The following RUBCN variants were observed in gnomAD, a reference collection of about 807,000 sequenced individuals.
RUBCN encodes rubicon autophagy regulator.
Under a neutral mutation model 113.2 loss-of-function variants are expected in RUBCN, and 74 were observed. That is an observed-to-expected ratio of 0.65 (90% confidence interval 0.54 to 0.79). The LOEUF (loss-of-function observed/expected upper bound fraction) is 0.79. Ranked by LOEUF, RUBCN falls within the 30% of genes least tolerant of loss-of-function variation. RUBCN has a pLI of 0.00. For synonymous variants in RUBCN, 480 were observed against 490.0 expected, an observed-to-expected ratio of 0.98 and a Z score of 0.27; for missense variants, 1,109 against 1,251.7, an observed-to-expected ratio of 0.89 and a Z score of 1.72.
intron 2 of RUBCN, among the ~76,000 whole-genome samples, chr3:197,717,438 C>A (rs1461796659): frequency 6.9e-6 from 1 of 144,286 alleles, no homozygotes; most frequent in South Asian, 2.1e-4. Context: ...AGCGAGACTC[C>A]GTCTCAAAAA....
At position 197,675,519 on chromosome 3, in the gene RUBCN, G is replaced by A. The variant is rs368369578; in HGVS notation, c.2647-4C>T. The A allele has an allele frequency of 5.0e-6, 8 of 1,612,344 alleles. No homozygotes were observed. In the African/African-American group the frequency reaches 9.3e-5, roughly 19 times the overall value. On this transcript the variant is annotated splice_region_variant and splice_polypyrimidine_tract_variant and intron_variant, in intron 18 of 19. Coordinates refer to ENST00000296343, the MANE Select transcript of RUBCN (RefSeq NM_014687.4). The surrounding 1 kb of genome is among the most constrained non-coding windows in gnomAD (Gnocchi z 4.4). ...TGAAGCCTTTGGCTTGGCAGAGCTG[G>A]GGAGGAAAAACACAGATGGCAAAAT...
chr3:197,729,243 T>C (rs1002286501), intron 1 of RUBCN, among the ~76,000 whole-genome samples: 9 of 151,822 alleles, frequency 5.9e-5, no homozygotes, highest in Admixed American at 2.0e-4. Context: ...GCTTTTGTTT[T>C]TTTTGTTTTG....
intron 13 of RUBCN, among the ~76,000 whole-genome samples, chr3:197,682,900 C>T (rs1184227578): frequency 6.6e-6 from 1 of 152,188 alleles, no homozygotes; most frequent in African/African-American, 2.4e-5. Context: ...AAGAAGCAAA[C>T]AGAAACAGCC....
At chr3:197,695,467 G>T (rs1722900875) in intron 9 of RUBCN, among the ~76,000 whole-genome samples, 1 of 152,102 alleles carries the variant, frequency 6.6e-6, no homozygotes, top group African/African-American at 2.4e-5. Flanking sequence ...CAGGTGTGGT[G>T]GTGCATGTTT....
chr3:197,720,990 TA>T (rs1174598767), intron 1 of RUBCN, among the ~76,000 whole-genome samples: 1 of 152,164 alleles, frequency 6.6e-6, no homozygotes. Context: ...GATTTTTTTT[TA>T]ATGTGCAGCG....
intron 1 of RUBCN, among the ~76,000 whole-genome samples, chr3:197,730,885 C>CTTTTTTTT (rs71166707): frequency 8.0e-4 from 40 of 49,998 alleles, no homozygotes; most frequent in African/African-American, 1.9e-3. Context: ...TTAAAAGCAT[C>CTTTTTTTT]TTTTTTTTTT....
intron 11 of RUBCN, among the ~76,000 whole-genome samples, chr3:197,692,321 TC>T (rs1722513680): frequency 6.6e-6 from 1 of 152,010 alleles, no homozygotes; most frequent in East Asian, 1.9e-4. Context: ...CGTGATCTCT[TC>T]CTTAGTCCCT....
rs542961639 is a variant in RUBCN, at chr3:197,702,708, G to C, written c.570+840C>G. 2.0e-5 allele frequency among the ~76,000 whole-genome samples: 3 copies of C among 152,194 alleles called. No individual in the cohort carries two copies. The East Asian group carries it at 5.8e-4, about 29-fold the overall frequency. On this transcript the variant is annotated intron_variant, in intron 5 of 19. Coordinates refer to ENST00000296343, the MANE Select transcript of RUBCN (RefSeq NM_014687.4). ...GATAATAATTAATTAAAAGAATCTGGAGAGATAGGGGATCTGCTTCTCTAA... is the reference window on the plus strand; with the variant it reads ...GATAATAATTAATTAAAAGAATCTGCAGAGATAGGGGATCTGCTTCTCTAA...
Position 197,673,216 on chromosome 3 carries a change from C to T in RUBCN, c.*1802G>A, listed in dbSNP as rs1719962959. 6.6e-6 allele frequency: 1 copy of T among 152,224 alleles called. No homozygotes were observed. The highest frequency in any genetic ancestry group is 2.4e-5 in the African/African-American group (1 of 41,438). 9.4% of individuals were successfully genotyped at this position (152,224 alleles called of 1,614,324 possible). A position where few individuals can be genotyped will look rare whatever the true frequency, so the allele number is the denominator to read the frequency against. On this transcript the variant is annotated 3_prime_UTR_variant, in exon 20 of 20. Transcript: ENST00000296343. ...GAGAACAGCCTCAGGGTCTTCTAGC[C>T]CTACATGGCTTTCAGATCCCAACTT...
At position 197,736,849 on chromosome 3, in the gene RUBCN, C is replaced by G; in HGVS notation, c.-130G>C. The G allele has an allele frequency of 2.2e-6, 3 of 1,386,066 alleles. No individual in the cohort carries two copies. Among genetic ancestry groups the G allele is most frequent in the East Asian group, 2.9e-5 (1 of 33,952 alleles). 85.9% of individuals were successfully genotyped at this position (1,386,066 alleles called of 1,614,324 possible). A position where few individuals can be genotyped will look rare whatever the true frequency, so the allele number is the denominator to read the frequency against. On this transcript the variant is annotated 5_prime_UTR_variant, in exon 1 of 20. Transcript: ENST00000296343. ...TGGGCTCCGGGTGATGCGCTACACC[C>G]GGGCGGCGACAGCGGGAGGGACCGC...
At chr3:197,744,164 A>G (rs749902936) in intron 1 of RUBCN, among the ~76,000 whole-genome samples, 1 of 152,068 alleles carries the variant, frequency 6.6e-6, no homozygotes, top group Non-Finnish European at 1.5e-5. Flanking sequence ...GAGTTAACAT[A>G]AGAAACAGAC....
Position 197,674,889 on chromosome 3 carries a change from A to T in RUBCN, c.*129T>A. ...ACGTCAGACAAGTCAGTAAAAAAAA[A>T]AAAAAAGATGATGATAATTAAAAAA... On this transcript the variant is annotated 3_prime_UTR_variant, in exon 20 of 20. Coordinates refer to ENST00000296343, the MANE Select transcript of RUBCN (RefSeq NM_014687.4). 1.3e-6 allele frequency: 1 copy of T among 777,994 alleles called. No homozygotes were observed. The highest frequency in any genetic ancestry group is 2.1e-5 in the South Asian group (1 of 46,676). The allele number at this position is 777,994 out of a possible 1,614,324, so 48.2% of individuals were successfully genotyped here.
At chr3:197,722,938 G>C (rs1224950871) in intron 1 of RUBCN, among the ~76,000 whole-genome samples, 1 of 152,034 alleles carries the variant, frequency 6.6e-6, no homozygotes, top group Non-Finnish European at 1.5e-5. Flanking sequence ...CTTTTATTTG[G>C]AGAATTTAAC....
intron 2 of RUBCN, among the ~76,000 whole-genome samples, chr3:197,709,288 T>G (rs1280419106): frequency 1.3e-5 from 2 of 152,146 alleles, no homozygotes; most frequent in African/African-American, 2.4e-5. Context: ...AATGTTTGCA[T>G]GTTGAGGGAA....
chr3:197,684,069 T>C, intron 12 of RUBCN, 88 bp downstream of exon 12: 1 of 1,051,846 alleles, frequency 9.5e-7, no homozygotes, highest in Non-Finnish European at 1.5e-6. Context: ...CTGGATGGCT[T>C]TGCCCAGCCA....
upstream of RUBCN, among the ~76,000 whole-genome samples, chr3:197,737,715 G>C (rs540061826): frequency 5.3e-5 from 8 of 152,228 alleles, no homozygotes; most frequent in African/African-American, 1.9e-4. Context: ...TGATGAGAAA[G>C]CCACTTTTGA....
intron 16 of RUBCN, among the ~76,000 whole-genome samples, chr3:197,679,418 TCTAA>T (rs1206454605): frequency 7.7e-4 from 105 of 137,032 alleles, no homozygotes; most frequent in Admixed American, 2.4e-3. Flanking sequence ...TGTCCTACGC[TCTAA>T]CTGACAACTG....
chr3:197,701,548 T>C (rs1016345582), intron 6 of RUBCN, among the ~76,000 whole-genome samples, 160 bp downstream of exon 6: 8 of 152,238 alleles, frequency 5.3e-5, no homozygotes, highest in Non-Finnish European at 1.2e-4. Flanking sequence ...TTCTACTGAA[T>C]TATTTCAAGC....
At chr3:197,686,368 G>A (rs921457144) in intron 11 of RUBCN, among the ~76,000 whole-genome samples, 1 of 152,164 alleles carries the variant, frequency 6.6e-6, no homozygotes, top group Non-Finnish European at 1.5e-5. Context: ...ACATGCAGGG[G>A]CTTCCTAGGC....
Sources: gnomAD v4.1 joint callset for allele counts (sites outside exome capture counted in the v4.1 genomes callset) on GRCh38, gnomAD v4.1.1 for gene constraint, Gnocchi (gnomAD v3.1) non-coding constraint, MANE v1.5 for transcripts, NCBI Gene and HGNC (gene_info 2026-07-23, HGNC 2026-07-21) for gene names.